Variants in GAA observed in about 807,000 individuals in gnomAD.
GAA encodes the protein lysosomal alpha-glucosidase.
In GAA, 88 loss-of-function variants were observed where a neutral mutation model predicts 103.9. The ratio of observed to expected loss-of-function variants is 0.85; its 90% CI spans 0.71 to 1.01. The LOEUF (loss-of-function observed/expected upper bound fraction) is 1.01. GAA is among the 50% of genes least tolerant of loss of function. The pLI, the probability that GAA is intolerant of heterozygous loss-of-function variation, is 0.00. For synonymous variants in GAA, 572 were observed against 563.1 expected (o/e 1.02, Z -0.22); for missense variants, 1,350 against 1,305.3 (o/e 1.03, Z -0.53).
chr17:80,117,141 C>A (rs201279755), intron 16 of GAA, 32 bp downstream of exon 16: 24 of 1,607,552 alleles, frequency 1.5e-5, no homozygotes, highest in Admixed American at 5.0e-5. Flanking sequence ...CCTGGGGAGA[C>A]GGGAGACCAG....
At chr17:80,109,121 G>C (rs1039805995) in intron 8 of GAA, among the ~76,000 whole-genome samples, 1 of 152,162 alleles carries the variant, frequency 6.6e-6, no homozygotes, top group Non-Finnish European at 1.5e-5. Flanking sequence ...GATGTCACCT[G>C]GTCCTGGAAA....
rs2039198549 is a variant in GAA at position 80,110,167 on chromosome 17, G to A, written c.1437+112G>A. 4 of 826,768 alleles carry A rather than the reference G, an allele frequency of 4.8e-6. No homozygotes were observed. In the Admixed American group the frequency reaches 6.5e-5, roughly 13 times the overall value. 51.2% of individuals were successfully genotyped at this position (826,768 alleles called of 1,614,324 possible). A position where few individuals can be genotyped will look rare whatever the true frequency, so the allele number is the denominator to read the frequency against. On this transcript the variant is annotated intron_variant, in intron 9 of 19. Coordinates refer to ENST00000302262, the MANE Select transcript of GAA (RefSeq NM_000152.5). ...TTTGAGGAGCCATCACGCCCAGTGG[G>A]ACAGCTGAGAGGAATGGGCCACAGT... is the stretch of plus-strand genomic sequence containing the variant.
Position 80,119,671 on chromosome 17 carries a change from G to GGGGGTGCTCAGGTGGAGGTGT in GAA, c.*346_*366dup. 1 of 362,906 alleles carries GGGGGTGCTCAGGTGGAGGTGT rather than the reference G, an allele frequency of 2.8e-6. No homozygotes were observed. Among genetic ancestry groups the GGGGGTGCTCAGGTGGAGGTGT allele is most frequent in the South Asian group, 2.2e-5 (1 of 44,940 alleles). 22.5% of individuals were successfully genotyped at this position (362,906 alleles called of 1,614,324 possible). On this transcript the variant is annotated 3_prime_UTR_variant, in exon 20 of 20. Coordinates refer to ENST00000302262, the MANE Select transcript of GAA (RefSeq NM_000152.5). ...TCCATCTGTTCCCAGCACCGGAGAAGGGGGTGCTCAGGTGGAGGTGTGGGG... is the reference window on the plus strand; with the variant it reads ...TCCATCTGTTCCCAGCACCGGAGAAGGGGGTGCTCAGGTGGAGGTGTGGGGTGCTCAGGTGGAGGTGTGGGG...
chr17:80,114,089 GAAAAAA>G (rs75151558), intron 15 of GAA, among the ~76,000 whole-genome samples: 1 of 70,498 alleles, frequency 1.4e-5, no homozygotes. Context: ...TTCATTTAGA[GAAAAAA>G]AAAAAAAAAA....
Position 80,111,003 on chromosome 17 carries a change from G to A in GAA, c.1614G>A (p.Leu538=). 6.2e-7 allele frequency: 1 copy of A among 1,613,864 alleles called. No homozygotes were observed. The highest frequency in any genetic ancestry group is 8.5e-7 in the Non-Finnish European group (1 of 1,179,976). The change falls in exon 11 of 20, where the codon CTG becomes CTA. Residue 538 remains leucine, a synonymous_variant. Coordinates refer to ENST00000302262, the MANE Select transcript of GAA (RefSeq NM_000152.5). ...AGGACGGCTGCCCCAACAATGAGCTGGAGAACCCACCCTACGTGCCTGGTC... is the reference window on the plus strand; with the variant it reads ...AGGACGGCTGCCCCAACAATGAGCTAGAGAACCCACCCTACGTGCCTGGTC... ...GSEDGCPNNE[L]ENPPYVPGVV...
At position 80,119,097 on chromosome 17, in the gene GAA, G is replaced by A. The variant is rs563292974; in HGVS notation, c.2800-175G>A. Among the ~76,000 whole-genome samples, 238 of 152,310 alleles carry A rather than the reference G, an allele frequency of 1.6e-3. 2 individuals are homozygous for A. The highest frequency in any genetic ancestry group is 3.3e-3 in the South Asian group (16 of 4,826). On this transcript the variant is annotated intron_variant, in intron 19 of 19. Coordinates refer to ENST00000302262, the MANE Select transcript of GAA (RefSeq NM_000152.5). ...GCACTGAGAGCCGGGGTCCCCCTGC[G>A]CCTGCCGGGGAGGAACCGGGTGCGA...
chr17:80,118,382 G>A (rs759031051), intron 18 of GAA, 25 bp downstream of exon 18: 16 of 1,557,992 alleles, frequency 1.0e-5, no homozygotes, highest in South Asian at 1.2e-5. Context: ...TGCTCAGGCT[G>A]GTGGGCAGGG....
In GAA at chr17:80,119,469, C is replaced by CG. The variant is rs865903736; in HGVS notation, c.*139dup. 0.12 allele frequency: 87,182 copies of CG among 757,542 alleles called. 6,376 individuals carry two copies. Among genetic ancestry groups the CG allele is most frequent in the East Asian group, 0.32 (11,988 of 37,424 alleles). The allele number at this position is 757,542 out of a possible 1,614,324, so 46.9% of individuals were successfully genotyped here. A position where few individuals can be genotyped will look rare whatever the true frequency, so the allele number is the denominator to read the frequency against. On this transcript the variant is annotated 3_prime_UTR_variant, in exon 20 of 20. Transcript: ENST00000302262. ...CTGGGCACTAACCATTCCAAGCCGC[C>CG]GCATCGCTTGTTTCCACCTCCTGGG...
Position 80,118,220 on chromosome 17 carries a change from C to T in GAA, c.2509C>T (p.Arg837Cys), listed in dbSNP as rs752421149. Residue 837 changes from arginine (R) to cysteine (C), a missense_variant, in exon 18 of 20, where the codon CGC (arginine) becomes TGC (cysteine). Transcript: ENST00000302262. Reference protein sequence around the residue: ...QGPGLTTTESRQQPMALAVAL... With the variant: ...QGPGLTTTESCQQPMALAVAL... ...CCCTGGCCTCACAACCACAGAGTCC[C>T]GCCAGCAGCCCATGGCCCTGGCTGT... The T allele has an allele frequency of 9.9e-6, 16 of 1,613,038 alleles. No individual in the cohort carries two copies. The highest frequency in any genetic ancestry group is 2.7e-5 in the African/African-American group (2 of 74,920).
intron 19 of GAA, among the ~76,000 whole-genome samples, chr17:80,119,044 G>A (rs901323139): frequency 2.0e-5 from 3 of 152,206 alleles, no homozygotes; most frequent in Non-Finnish European, 4.4e-5. Context: ...AAGCAGCACC[G>A]CGTTTCTGGC....
At position 80,105,188 on chromosome 17, in the gene GAA, G is replaced by A. The variant is rs534335402; in HGVS notation, c.546+56G>A. Reference sequence around the variant, plus strand: ...AGGGCAGAGGGTGCGCGTGGACATCGACACCCACGCACCTCACAAGGGTGG... The same window carrying A: ...AGGGCAGAGGGTGCGCGTGGACATCAACACCCACGCACCTCACAAGGGTGG... On this transcript the variant is annotated intron_variant, in intron 2 of 19. Transcript: ENST00000302262. The A allele has an allele frequency of 5.2e-5, 78 of 1,499,608 alleles. No homozygotes were observed. In the African/African-American group the frequency reaches 7.5e-4, roughly 14 times the overall value. The allele number at this position is 1,499,608 out of a possible 1,614,324, so 92.9% of individuals were successfully genotyped here. A position where few individuals can be genotyped will look rare whatever the true frequency, so the allele number is the denominator to read the frequency against.
In GAA at chr17:80,118,309, A is replaced by C. The variant is rs1445358978; in HGVS notation, c.2598A>C (p.Glu866Asp). Residue 866 changes from glutamate to aspartate, a missense_variant, in exon 18 of 20, where the codon GAA becomes GAC. Physicochemically the swap from Glu to Asp is conservative, Grantham distance 45. Coordinates refer to ENST00000302262, the MANE Select transcript of GAA (RefSeq NM_000152.5). ...TCTGGGACGATGGAGAGAGCCTGGA[A>C]GTGCTGGAGCGAGGGGCCTACACAC... ...ELFWDDGESL[E>D]VLERGAYTQV... 2 of 1,589,082 alleles carry C rather than the reference A, an allele frequency of 1.3e-6. No individual in the cohort carries two copies. The highest frequency in any genetic ancestry group is 3.5e-5 in the Admixed American group (2 of 57,614).
At position 80,113,365 on chromosome 17, in the gene GAA, G is replaced by A; in HGVS notation, c.2188G>A (p.Glu730Lys). The A allele has an allele frequency of 6.4e-7, 1 of 1,574,376 alleles. No individual in the cohort carries two copies. Among genetic ancestry groups the A allele is most frequent in the South Asian group, 1.2e-5 (1 of 86,056 alleles). The change falls in exon 15 of 20, where the codon GAG (glutamate) becomes AAG (lysine). Residue 730 changes from glutamate to lysine, a missense_variant and splice_region_variant. Physicochemically the swap from Glu to Lys is moderately conservative, Grantham distance 56. Transcript: ENST00000302262. ...GETVARPLFL[E>K]FPKDSSTWTV... ...GACCGTGGCCCGGCCCCTCTTCCTGGAGTGAGTGACCTAGGCAGGGGCGGT... is the reference window on the plus strand; with the variant it reads ...GACCGTGGCCCGGCCCCTCTTCCTGAAGTGAGTGACCTAGGCAGGGGCGGT...
In GAA at chr17:80,107,727, A is replaced by AGCGGCGG. The variant is rs1555599723; in HGVS notation, c.858+17_858+23dup. The AGCGGCGG allele has an allele frequency of 9.9e-5, 160 of 1,610,872 alleles. No individual in the cohort carries two copies. Among genetic ancestry groups the AGCGGCGG allele is most frequent in the African/African-American group, 6.3e-4 (47 of 74,884 alleles). On this transcript the variant is annotated splice_donor_region_variant and intron_variant, in intron 4 of 19. Transcript: ENST00000302262. The stretch of plus-strand genomic sequence containing the variant: ...AACCGGGACCTTGCGCCCACGGTAC[A>AGCGGCGG]GCGGCGGGCGGCGGGCGGGGGCACT...
In GAA at chr17:80,119,489, C is replaced by T. The variant is rs1053325001; in HGVS notation, c.*158C>T. 6.7e-5 allele frequency: 47 copies of T among 701,096 alleles called. No individual in the cohort carries two copies. The African/African-American group carries it at 7.2e-4, about 11-fold the overall frequency. The allele number at this position is 701,096 out of a possible 1,614,324, so 43.4% of individuals were successfully genotyped here. A position where few individuals can be genotyped will look rare whatever the true frequency, so the allele number is the denominator to read the frequency against. ...GCCGCCGCATCGCTTGTTTCCACCTCCTGGGCCGGGGCTCTGGCCCCCAAC... is the reference window on the plus strand; with the variant it reads ...GCCGCCGCATCGCTTGTTTCCACCTTCTGGGCCGGGGCTCTGGCCCCCAAC... On this transcript the variant is annotated 3_prime_UTR_variant, in exon 20 of 20. Coordinates refer to ENST00000302262, the MANE Select transcript of GAA (RefSeq NM_000152.5).
rs140758865 is a variant in GAA, at chr17:80,106,949, C to A, written c.693-608C>A. 5.3e-5 allele frequency among the ~76,000 whole-genome samples: 8 copies of A among 152,300 alleles called. No individual in the cohort carries two copies. The East Asian group carries it at 1.5e-3, about 29-fold the overall frequency. ...ACAACAAACAGGCATCTTATCAGAT[C>A]TCGGTCTTGAAAGCACTCAGCGTAG... On this transcript the variant is annotated intron_variant, in intron 3 of 19. Transcript: ENST00000302262.
Position 80,118,639 on chromosome 17 carries a change from T to A in GAA, c.2647-14T>A. ...CACATTCTCTGCCTTTTCATCTCTC[T>A]CTGCTCGGCCCAGAACACGATCGTG... On this transcript the variant is annotated splice_polypyrimidine_tract_variant and intron_variant, in intron 18 of 19. Transcript: ENST00000302262. The A allele has an allele frequency of 6.2e-7, 1 of 1,611,516 alleles. No homozygotes were observed. The highest frequency in any genetic ancestry group is 8.5e-7 in the Non-Finnish European group (1 of 1,180,000).
chr17:80,105,828 A>G lies in GAA; in HGVS notation c.626A>G (p.Tyr209Cys), dbSNP rs2039071766. Residue 209 changes from tyrosine to cysteine, a missense_variant, in exon 3 of 20, where the codon TAC (tyrosine) becomes TGC (cysteine). Tyr to Cys is a radical substitution (Grantham distance 194, BLOSUM62 -2). Transcript: ENST00000302262. ...HVHSRAPSPL[Y>C]SVEFSEEPFG... ...CACAGCCGGGCACCGTCCCCACTCT[A>G]CAGCGTGGAGTTCTCCGAGGAGCCC... 3 of 1,610,096 alleles carry G rather than the reference A, an allele frequency of 1.9e-6. No homozygotes were observed. The African/African-American group carries it at 4.0e-5, about 21-fold the overall frequency.
intron 1 of GAA, chr17:80,102,319 T>G (rs2038973295): frequency 6.6e-6 from 1 of 152,174 alleles, no homozygotes; most frequent in Non-Finnish European, 1.5e-5. Flanking sequence ...CTGTCTCTGG[T>G]CTTTGTCCCT....
Sources: gnomAD v4.1 joint callset for allele counts (sites outside exome capture counted in the v4.1 genomes callset) on GRCh38, gnomAD v4.1.1 for gene constraint, MANE v1.5 for transcripts, NCBI Gene and HGNC (gene_info 2026-07-23, HGNC 2026-07-21) for gene names.